STK3: variants seen among roughly 807,000 people sequenced by gnomAD.
The protein encoded by STK3 is serine/threonine-protein kinase 3.
Under a neutral mutation model 58.0 loss-of-function variants are expected in STK3, and 41 were observed. That is an observed-to-expected ratio of 0.71 (90% confidence interval 0.55 to 0.92). The LOEUF (loss-of-function observed/expected upper bound fraction) is 0.92, where lower values mean the gene tolerates loss of function less well. Ranked by LOEUF, STK3 falls within the 40% of genes least tolerant of loss-of-function variation. STK3 has a pLI of 0.00. For synonymous variants in STK3, 170 were observed against 191.0 expected, an observed-to-expected ratio of 0.89 and a Z score of 0.91; for missense variants, 479 against 602.7, an observed-to-expected ratio of 0.79 and a Z score of 2.15.
chr8:98,430,775 T>TA (rs1818315161), intron 3 of STK3: 1 of 166,970 alleles, frequency 6.0e-6, no homozygotes, highest in Non-Finnish European at 1.5e-5. Flanking sequence ...AGTTGTAAAA[T>TA]AAAAAACTGC....
At chr8:98,571,082 C>T (rs1477965668) in intron 8 of STK3, among the ~76,000 whole-genome samples, 2 of 152,170 alleles carry the variant, frequency 1.3e-5, no homozygotes, top group East Asian at 1.9e-4. Context: ...GTAATCCCAG[C>T]ACTTTGAGAG....
intron 8 of STK3, among the ~76,000 whole-genome samples, chr8:98,552,905 G>A (rs1811291456): frequency 6.6e-6 from 1 of 152,122 alleles, no homozygotes; most frequent in African/African-American, 2.4e-5. Flanking sequence ...CCAGACATTG[G>A]AGATGAATAA....
intron 1 of STK3, among the ~76,000 whole-genome samples, chr8:98,895,712 G>T (rs1342581088): frequency 6.6e-6 from 1 of 152,054 alleles, no homozygotes; most frequent in African/African-American, 2.4e-5. Flanking sequence ...AGAGAACCTG[G>T]GTCCTTGATG....
intron 3 of STK3, chr8:98,413,728 T>C (rs879047114): frequency 2.4e-6 from 2 of 833,162 alleles, no homozygotes; most frequent in East Asian, 2.7e-5. Flanking sequence ...TGTTGAAGAG[T>C]TGGCACCTTG....
chr8:98,531,302 T>C (rs1826156408), intron 9 of STK3, among the ~76,000 whole-genome samples: 1 of 152,246 alleles, frequency 6.6e-6, no homozygotes, highest in Non-Finnish European at 1.5e-5. Flanking sequence ...ATGGATGTTG[T>C]GTTAGCAGGC....
chr8:98,648,917 C>A (rs1256269073), intron 6 of STK3, among the ~76,000 whole-genome samples: 1 of 149,948 alleles, frequency 6.7e-6, no homozygotes, highest in African/African-American at 2.5e-5. Context: ...TTAGCCCGGG[C>A]ATGGTGGCGG....
chr8:98,368,005 T>A (rs188480579), downstream of STK3, among the ~76,000 whole-genome samples: 1 of 152,206 alleles, frequency 6.6e-6, no homozygotes, highest in Admixed American at 6.5e-5. Flanking sequence ...ACCACTCACA[T>A]CTGCGCTGTG....
chr8:98,925,635 T>G (rs928930724), intron 1 of STK3, among the ~76,000 whole-genome samples: 7 of 152,210 alleles, frequency 4.6e-5, no homozygotes, highest in Non-Finnish European at 2.9e-5. Context: ...GCCCCCTTTT[T>G]TCATCTGAAA....
the STK3 span, among the ~76,000 whole-genome samples, chr8:98,347,089 T>C: frequency 6.6e-6 from 1 of 151,940 alleles, no homozygotes; most frequent in African/African-American, 2.4e-5. Flanking sequence ...AAAAATGCTA[T>C]AATATCACTT....
chr8:98,464,540 T>TAAAAAAAAAAAAAAAAAAAAA, intron 10 of STK3, among the ~76,000 whole-genome samples: 71 of 69,218 alleles, frequency 1.0e-3, no homozygotes, highest in African/African-American at 1.3e-3. Flanking sequence ...TACTTAAAGT[T>TAAAAAAAAAAAAAAAAAAAAA]AAAAAAAAAA....
intron 8 of STK3, among the ~76,000 whole-genome samples, chr8:98,573,835 TCA>T (rs1294384426): frequency 1.3e-5 from 2 of 152,092 alleles, no homozygotes; most frequent in Non-Finnish European, 2.9e-5. Context: ...CTTAATTGAC[TCA>T]CAGTTTCACA....
intron 1 of STK3, among the ~76,000 whole-genome samples, chr8:98,385,167 C>T (rs1294754985): frequency 2.0e-5 from 3 of 151,816 alleles, no homozygotes; most frequent in East Asian, 1.9e-4. Flanking sequence ...GATGGGTCCC[C>T]GAGAAGAAAC....
rs1307201994 is a variant in STK3 at position 98,652,518 on chromosome 8, T to C, written c.684+53949A>G. 8.0e-5 allele frequency among the ~76,000 whole-genome samples: 12 copies of C among 149,200 alleles called. 1 individual carries two copies. The highest frequency in any genetic ancestry group is 1.7e-4 in the African/African-American group (7 of 40,634). On this transcript the variant is annotated intron_variant, in intron 6 of 10. Transcript: ENST00000419617. ...AATGTAAATGGACTAAATGCTCCAA[T>C]TAAAAGACACAGACTGGCAAATTGG...
In STK3 at chr8:98,900,202, G is replaced by A. The variant is rs547590293; in HGVS notation, c.-78-16368C>T. ...AGTGATTCTCCTGCCTCAGCCTCCC[G>A]AGTAGCAGAGATTACAGGCGCCCGC... On this transcript the variant is annotated intron_variant, in intron 1 of 1. Coordinates refer to the STK3 transcript ENST00000519420. Among the ~76,000 whole-genome samples the A allele has an allele frequency of 3.3e-5, 5 of 151,468 alleles. No homozygotes were observed. In the South Asian group the frequency reaches 8.4e-4, roughly 25 times the overall value.
At chr8:98,429,443 A>C in intron 3 of STK3, 1 of 1,488,440 alleles carries the variant, frequency 6.7e-7, no homozygotes, top group Non-Finnish European at 9.3e-7. Context: ...TCCACCCCAC[A>C]TTGCTGAGCT....
intron 6 of STK3, among the ~76,000 whole-genome samples, chr8:98,627,992 T>G (rs1290957833): frequency 6.6e-6 from 1 of 152,220 alleles, no homozygotes; most frequent in Non-Finnish European, 1.5e-5. Flanking sequence ...TATTTGTGGT[T>G]GTTAAAATTC....
chr8:98,644,965 G>C (rs1202930722), intron 6 of STK3, among the ~76,000 whole-genome samples: 1 of 152,146 alleles, frequency 6.6e-6, no homozygotes, highest in African/African-American at 2.4e-5. Flanking sequence ...CCACATTACA[G>C]GGGGACCTGT....
At chr8:98,916,387 C>T (rs1302592977) in intron 1 of STK3, among the ~76,000 whole-genome samples, 1 of 152,176 alleles carries the variant, frequency 6.6e-6, no homozygotes, top group Non-Finnish European at 1.5e-5. Flanking sequence ...GCACTCTAGC[C>T]TGGGTGACAG....
chr8:98,863,949 C>G (rs925896043), intron 3 of STK3, among the ~76,000 whole-genome samples: 1 of 152,036 alleles, frequency 6.6e-6, no homozygotes, highest in Non-Finnish European at 1.5e-5. Context: ...GTAATCCCAG[C>G]ACTTTGGGAG....
Sources: allele counts gnomAD v4.1 joint callset (sites outside exome capture counted in the v4.1 genomes callset), GRCh38; gene constraint gnomAD v4.1.1; transcripts MANE v1.5; gene names NCBI Gene and HGNC (gene_info 2026-07-23, HGNC 2026-07-21).